The following RSRC2 variants were observed in gnomAD, a reference collection of about 807,000 sequenced individuals.
RSRC2 encodes the protein arginine and serine rich coiled-coil 2, also known as arginine/serine-rich coiled-coil protein 2.
Under a neutral mutation model 61.3 loss-of-function variants are expected in RSRC2, and 5 were observed. The ratio of observed to expected loss-of-function variants is 0.08; its 90% CI spans 0.04 to 0.17. The LOEUF (loss-of-function observed/expected upper bound fraction) is 0.17, where lower values mean the gene tolerates loss of function less well. RSRC2 is among the 10% of genes least tolerant of loss of function. RSRC2 has a pLI of 1.00. For synonymous variants in RSRC2, 202 were observed against 166.5 expected (o/e 1.21, Z -1.64); for missense variants, 381 against 518.8 (o/e 0.73, Z 2.58).
intron 6 of RSRC2, among the ~76,000 whole-genome samples, chr12:122,511,995 TG>T (rs1958553062): frequency 6.6e-6 from 1 of 152,108 alleles, no homozygotes; most frequent in Non-Finnish European, 1.5e-5. Context: ...TTAGTAGAGA[TG>T]GGGTTTCACC....
intron 2 of RSRC2, 137 bp from the exon 3 acceptor site, chr12:122,521,565 A>T: frequency 1.4e-6 from 1 of 694,282 alleles, no homozygotes; most frequent in East Asian, 2.7e-5. Context: ...CACGGGTGGG[A>T]TTATTCTACA....
intron 7 of RSRC2, among the ~76,000 whole-genome samples, chr12:122,510,435 C>A (rs1431698470): frequency 1.3e-5 from 2 of 152,012 alleles, no homozygotes; most frequent in African/African-American, 4.8e-5. Flanking sequence ...GAGGCTGAGG[C>A]GGAGAATCGC....
chr12:122,508,127 G>T, intron 8 of RSRC2, 91 bp downstream of exon 8: 1 of 1,193,748 alleles, frequency 8.4e-7, no homozygotes, highest in South Asian at 1.3e-5. Context: ...ACAAAGTTAA[G>T]CCGAAAGTAA....
At chr12:122,513,244 TAAAATAAAA>T in intron 6 of RSRC2, among the ~76,000 whole-genome samples, 1 of 47,140 alleles carries the variant, frequency 2.1e-5, no homozygotes, top group South Asian at 8.7e-4. Context: ...AATAAATAAA[TAAAATAAAA>T]TAAAAATAAA....
At chr12:122,516,248 T>C (rs1268618971) in intron 5 of RSRC2, among the ~76,000 whole-genome samples, 1 of 152,186 alleles carries the variant, frequency 6.6e-6, no homozygotes, top group Non-Finnish European at 1.5e-5. Context: ...ACTACTGTCA[T>C]ATGTAAACAA....
At position 122,518,843 on chromosome 12, in the gene RSRC2, C is replaced by T; in HGVS notation, c.394G>A (p.Glu132Lys). ...TTATAATACAACATGACTTACCTTT[C>T]ACGAGACCTAGATCTTGAGTGACTT... ...GRSHSRSRSR[E>K]RRHRSRSRER... The change falls in exon 4 of 10, where the codon GAA becomes AAA. Residue 132 changes from glutamate to lysine, a missense_variant. By Grantham distance (56) the Glu-to-Lys change is moderately conservative. Coordinates refer to ENST00000331738, the MANE Select transcript of RSRC2 (RefSeq NM_023012.6). The T allele has an allele frequency of 6.2e-7, 1 of 1,613,424 alleles. No homozygotes were observed. The highest frequency in any genetic ancestry group is 8.5e-7 in the Non-Finnish European group (1 of 1,179,410).
At position 122,511,191 on chromosome 12, in the gene RSRC2, G is replaced by A; in HGVS notation, c.726-3C>T. 2 of 1,598,486 alleles carry A rather than the reference G, an allele frequency of 1.3e-6. No individual in the cohort carries two copies. Among genetic ancestry groups the A allele is most frequent in the Non-Finnish European group, 1.7e-6 (2 of 1,172,586 alleles). Reference sequence around the variant, plus strand: ...GTAATTTCTTTGCCCTTTCCAACCTGCAAAATTAATTTCAATGAATTTAAA... The same window carrying A: ...GTAATTTCTTTGCCCTTTCCAACCTACAAAATTAATTTCAATGAATTTAAA... On this transcript the variant is annotated splice_polypyrimidine_tract_variant and splice_region_variant and intron_variant, in intron 6 of 9. Coordinates refer to ENST00000331738, the MANE Select transcript of RSRC2 (RefSeq NM_023012.6).
intron 1 of RSRC2, among the ~76,000 whole-genome samples, chr12:122,524,676 T>C (rs1439987420): frequency 6.6e-6 from 1 of 152,098 alleles, no homozygotes; most frequent in Admixed American, 6.6e-5. Flanking sequence ...ACTAAACAAA[T>C]AGGAATGATA....
chr12:122,519,848 A>G (rs945696944), intron 3 of RSRC2: 2 of 152,400 alleles, frequency 1.3e-5, no homozygotes, highest in Non-Finnish European at 2.9e-5. Context: ...CCAAATACCA[A>G]AGTAGAAGTG....
rs1233641571 is a variant in RSRC2 at position 122,503,822 on chromosome 12, C to T, written c.*1705G>A. ...TCTGGCTAGGTGAAGTGGATCACAC[C>T]TGTAACCCCATCACTTTGGGAGCCC... On this transcript the variant is annotated 3_prime_UTR_variant, in exon 10 of 10. Transcript: ENST00000331738. The T allele has an allele frequency of 6.6e-6, 1 of 152,126 alleles. No individual in the cohort carries two copies. The highest frequency in any genetic ancestry group is 1.5e-5 in the Non-Finnish European group (1 of 68,022). 9.4% of individuals were successfully genotyped at this position (152,126 alleles called of 1,614,324 possible). A position where few individuals can be genotyped will look rare whatever the true frequency, so the allele number is the denominator to read the frequency against.
chr12:122,513,508 G>A (rs1379097315), intron 6 of RSRC2, among the ~76,000 whole-genome samples: 1 of 151,924 alleles, frequency 6.6e-6, no homozygotes, highest in Non-Finnish European at 1.5e-5. Context: ...GCTATTAACG[G>A]CTTCACTTTT....
chr12:122,505,416 T>G lies in RSRC2; in HGVS notation c.*111A>C. Reference sequence around the variant, plus strand: ...CAAAAATTTGTATTTTTCAATAAATTAAAGTCAATGCAACACCCATGCAAG... The same window carrying G: ...CAAAAATTTGTATTTTTCAATAAATGAAAGTCAATGCAACACCCATGCAAG... On this transcript the variant is annotated 3_prime_UTR_variant, in exon 10 of 10. Transcript: ENST00000331738. The G allele has an allele frequency of 1.0e-6, 1 of 963,640 alleles. No homozygotes were observed. The highest frequency in any genetic ancestry group is 1.5e-6 in the Non-Finnish European group (1 of 648,572). The allele number at this position is 963,640 out of a possible 1,614,324, so 59.7% of individuals were successfully genotyped here.
chr12:122,515,352 A>C, intron 5 of RSRC2, 125 bp from the exon 6 acceptor site: 1 of 889,880 alleles, frequency 1.1e-6, no homozygotes, highest in Admixed American at 2.6e-5. Context: ...GATGCAAAAG[A>C]TTTAAAACAT....
Position 122,513,233 on chromosome 12 carries a change from AAATAAAT to A in RSRC2, c.725+1865_725+1871del, listed in dbSNP as rs1390287732. 9.5e-4 allele frequency among the ~76,000 whole-genome samples: 87 copies of A among 91,266 alleles called. 1 individual carries two copies. Among genetic ancestry groups the A allele is most frequent in the African/African-American group, 2.1e-3 (53 of 25,190 alleles). 59.9% of individuals were successfully genotyped at this position (91,266 alleles called of 152,430 possible). A position where few individuals can be genotyped will look rare whatever the true frequency, so the allele number is the denominator to read the frequency against. ...TAAATAAATAAATAAATAAATAAAT[AAATAAAT>A]AAATAAAATAAAATAAAAATAAAAA... On this transcript the variant is annotated intron_variant, in intron 6 of 9. Coordinates refer to ENST00000331738, the MANE Select transcript of RSRC2 (RefSeq NM_023012.6).
intron 8 of RSRC2, chr12:122,507,194 T>C (rs965243437): frequency 7.3e-6 from 3 of 413,330 alleles, no homozygotes; most frequent in African/African-American, 2.0e-5. Context: ...CCTGGATGAC[T>C]AGGTGAAACC....
intron 5 of RSRC2, 22 bp from the exon 6 acceptor site, chr12:122,515,249 A>G (rs1383933425): frequency 1.2e-6 from 2 of 1,605,828 alleles, no homozygotes; most frequent in South Asian, 1.1e-5. Flanking sequence ...CGTATTTCAT[A>G]TGTCAAATTA....
intron 8 of RSRC2, 104 bp downstream of exon 8, chr12:122,508,111 GTTC>G: frequency 9.6e-7 from 1 of 1,040,644 alleles, no homozygotes; most frequent in Non-Finnish European, 1.5e-6. Context: ...GCCACCCCAG[GTTC>G]TTACAAAGTT....
intron 1 of RSRC2, among the ~76,000 whole-genome samples, chr12:122,524,913 A>G (rs1959840789): frequency 6.6e-6 from 1 of 152,150 alleles, no homozygotes; most frequent in Admixed American, 6.6e-5. Context: ...GGTTTCTTAT[A>G]ATTTACATTT....
intron 6 of RSRC2, among the ~76,000 whole-genome samples, chr12:122,512,726 CAA>C (rs575681568): frequency 9.6e-4 from 80 of 83,360 alleles, no homozygotes; most frequent in African/African-American, 3.0e-3. Flanking sequence ...GACTTCATCT[CAA>C]AAAAAAAAAA....
Sources: allele counts gnomAD v4.1 joint callset (sites outside exome capture counted in the v4.1 genomes callset), GRCh38; gene constraint gnomAD v4.1.1; transcripts MANE v1.5; gene names NCBI Gene and HGNC (gene_info 2026-07-23, HGNC 2026-07-21).